GREB1: variants seen among roughly 807,000 people sequenced by gnomAD.
GREB1 encodes the protein protein GREB1.
GREB1 carries 106 observed loss-of-function variants against 200.7 expected under a neutral mutation model. That is an observed-to-expected ratio of 0.53 (90% CI 0.45 to 0.62). The LOEUF is 0.62. Among genes scored for constraint, GREB1 ranks in the 20% least tolerant of loss-of-function variants. GREB1 has a pLI of 0.00. For missense variants in GREB1, 2,243 were observed against 2,556.8 expected (o/e 0.88, Z 2.65); for synonymous variants, 1,132 against 1,092.4 (o/e 1.04, Z -0.72).
intron 1 of GREB1, among the ~76,000 whole-genome samples, chr2:11,551,245 C>A (rs923734923): frequency 2.0e-5 from 3 of 152,234 alleles, no homozygotes; most frequent in African/African-American, 7.2e-5. Context: ...TATGGTGAAA[C>A]AAACCCACAT....
At chr2:11,632,596 C>T (rs983187686) in intron 27 of GREB1, among the ~76,000 whole-genome samples, 1 of 152,194 alleles carries the variant, frequency 6.6e-6, no homozygotes, top group Non-Finnish European at 1.5e-5. Flanking sequence ...CCTCGGCCCC[C>T]CAAACTGCTG....
rs559174290 is a variant in GREB1 at position 11,527,691 on chromosome 2, T to G, written c.-158-28766T>G. ...TGAGGCAGCCAGGCACTGCCTAGGC[T>G]CCATAGATTCTATAGTAAAACAGAT... On this transcript the variant is annotated intron_variant, in intron 1 of 2. Transcript: ENST00000628795. Among the ~76,000 whole-genome samples, 3 of 152,288 alleles carry G rather than the reference T, an allele frequency of 2.0e-5. No individual in the cohort carries two copies. In the East Asian group the frequency reaches 5.8e-4, roughly 29 times the overall value.
Position 11,640,767 on chromosome 2 carries a change from C to T in GREB1, c.*313C>T, listed in dbSNP as rs1022693751. On this transcript the variant is annotated 3_prime_UTR_variant, in exon 33 of 33. Transcript: ENST00000381486. The surrounding 1 kb of genome is among the most constrained non-coding windows in gnomAD (Gnocchi z 4.6). ...CCTGCCATTCGTGTGCTTCCATGGA[C>T]AAACCTGATTTTTTTCTCTTAGTTC... The T allele has an allele frequency of 3.3e-6, 1 of 298,526 alleles. No homozygotes were observed. Among genetic ancestry groups the T allele is most frequent in the Non-Finnish European group, 6.1e-6 (1 of 163,230 alleles). 18.5% of individuals were successfully genotyped at this position (298,526 alleles called of 1,614,324 possible). A position where few individuals can be genotyped will look rare whatever the true frequency, so the allele number is the denominator to read the frequency against.
chr2:11,632,187 A>G (rs1460679595), intron 27 of GREB1, 74 bp downstream of exon 27: 2 of 1,064,348 alleles, frequency 1.9e-6, no homozygotes, highest in South Asian at 1.4e-5. Context: ...TCTAGAGACA[A>G]AAGTTAAACA....
rs1215115217 is a variant in GREB1, at chr2:11,629,139, T to C, written c.4450-809T>C. ...GGGTCTAGAAGAGCCATGGCAGAGATTAAAGCAGTGTGTGCTCGTCTGCCT... is the reference window on the plus strand; with the variant it reads ...GGGTCTAGAAGAGCCATGGCAGAGACTAAAGCAGTGTGTGCTCGTCTGCCT... On this transcript the variant is annotated intron_variant, in intron 25 of 32. Coordinates refer to ENST00000381486, the MANE Select transcript of GREB1 (RefSeq NM_014668.4). This position sits in a 1 kb window ranked among gnomAD's most constrained non-coding sequence, Gnocchi z 5.2. Among the ~76,000 whole-genome samples the C allele has an allele frequency of 6.6e-6, 1 of 151,708 alleles. No homozygotes were observed.
At chr2:11,539,467 G>A (rs1204894527) in intron 1 of GREB1, among the ~76,000 whole-genome samples, 1 of 152,192 alleles carries the variant, frequency 6.6e-6, no homozygotes, top group African/African-American at 2.4e-5. Flanking sequence ...TCGCTTATGT[G>A]GCTTAGGTCC....
rs374697291 is a variant in GREB1, at chr2:11,556,784, C to T, written c.157+13C>T. Reference sequence around the variant, plus strand: ...GCCGCTCTAGAAGGTGGGAGACGCACGTTGCTTTTATCTGTGTATTTCTTT... The same window carrying T: ...GCCGCTCTAGAAGGTGGGAGACGCATGTTGCTTTTATCTGTGTATTTCTTT... On this transcript the variant is annotated intron_variant, in intron 2 of 32. Transcript: ENST00000381486. 20 of 1,610,374 alleles carry T rather than the reference C, an allele frequency of 1.2e-5. No individual in the cohort carries two copies. The highest frequency in any genetic ancestry group is 1.7e-4 in the Middle Eastern group (1 of 5,940).
intron 23 of GREB1, among the ~76,000 whole-genome samples, chr2:11,621,976 T>G (rs1684048119): frequency 6.6e-6 from 1 of 152,242 alleles, no homozygotes; most frequent in Non-Finnish European, 1.5e-5. Context: ...TGAACCCAGT[T>G]TGTTCAGTGT....
Position 11,556,695 on chromosome 2 carries a change from G to A in GREB1, c.81G>A (p.Arg27=), listed in dbSNP as rs1676464042. 6.2e-7 allele frequency: 1 copy of A among 1,614,008 alleles called. No homozygotes were observed. The highest frequency in any genetic ancestry group is 8.5e-7 in the Non-Finnish European group (1 of 1,179,898). The change falls in exon 2 of 33, where the codon CGG becomes CGA. Residue 27 remains arginine (R), a synonymous_variant. Transcript: ENST00000381486. The stretch of plus-strand genomic sequence containing the variant: ...ACAATTCCATCGAGGCATCCCTGCG[G>A]TCCAACAACCTGGTGCCCAGGCCCA... The part of the protein sequence containing the change: ...VLHNSIEASL[R]SNNLVPRPIF...
chr2:11,513,038 G>A (rs1673394540), intron 1 of GREB1, among the ~76,000 whole-genome samples: 1 of 152,150 alleles, frequency 6.6e-6, no homozygotes, highest in Non-Finnish European at 1.5e-5. Flanking sequence ...TGATAAAGAT[G>A]AAACTTCTCT....
At chr2:11,540,482 C>T (rs1239868751) in intron 1 of GREB1, 3 of 153,074 alleles carry the variant, frequency 2.0e-5, no homozygotes, top group Non-Finnish European at 4.4e-5. Flanking sequence ...TTACTGCAAT[C>T]GGAGGGGACA....
chr2:11,592,759 C>T lies in GREB1; in HGVS notation c.1346-17C>T. The T allele has an allele frequency of 6.8e-7, 1 of 1,467,586 alleles. No homozygotes were observed. 90.9% of individuals were successfully genotyped at this position (1,467,586 alleles called of 1,614,324 possible). On this transcript the variant is annotated splice_polypyrimidine_tract_variant and intron_variant, in intron 10 of 32. Coordinates refer to ENST00000381486, the MANE Select transcript of GREB1 (RefSeq NM_014668.4). ...GCTGGCATTTGTGGCAGGCCCTCCG[C>T]CCGCATTGTGTTGCAGCCGCGGACC...
rs774773440 is a variant in GREB1, at chr2:11,627,004, G to A, written c.4349G>A (p.Arg1450His). The A allele has an allele frequency of 4.0e-5, 65 of 1,613,964 alleles. 1 individual carries two copies. The highest frequency in any genetic ancestry group is 1.1e-4 in the South Asian group (10 of 91,090). ...AAGCCGGAGGACCTTTATGTGCGGC[G>A]TCAGACGGCACGGATGAGACTGTCC... ...SRKPEDLYVR[R>H]QTARMRLSKY... Residue 1450 changes from arginine to histidine, a missense_variant, in exon 25 of 33, where the codon CGT becomes CAT. Arg to His is a conservative substitution (Grantham distance 29, BLOSUM62 0). This residue lies in a region of GREB1 where 587 missense variants were observed against 553.1 expected (regional missense o/e 1.06). Transcript: ENST00000381486.
intron 1 of GREB1, among the ~76,000 whole-genome samples, chr2:11,521,333 C>T (rs1325923307): frequency 1.3e-5 from 2 of 152,084 alleles, no homozygotes; most frequent in Non-Finnish European, 2.9e-5. Context: ...TGGTCTTGAA[C>T]TCCTGGGCCC....
chr2:11,611,710 C>T (rs1196022431), intron 18 of GREB1, among the ~76,000 whole-genome samples: 1 of 152,202 alleles, frequency 6.6e-6, no homozygotes, highest in Non-Finnish European at 1.5e-5. Flanking sequence ...AGCCCCTCTC[C>T]CAGATGGTGG....
At position 11,626,902 on chromosome 2, in the gene GREB1, G is replaced by A. The variant is rs1684505116; in HGVS notation, c.4307-60G>A. 3.8e-6 allele frequency: 6 copies of A among 1,575,252 alleles called. No individual in the cohort carries two copies. The East Asian group carries it at 1.1e-4, about 29-fold the overall frequency. ...GCATTTTTGGTTTCTGTTTGAGCAGGCAGGGGATAATGTTTGCTTTGCTCC... is the reference window on the plus strand; with the variant it reads ...GCATTTTTGGTTTCTGTTTGAGCAGACAGGGGATAATGTTTGCTTTGCTCC... On this transcript the variant is annotated intron_variant, in intron 24 of 32. Transcript: ENST00000381486.
chr2:11,564,494 C>T (rs1677418420), intron 3 of GREB1, among the ~76,000 whole-genome samples: 1 of 152,164 alleles, frequency 6.6e-6, no homozygotes, highest in East Asian at 1.9e-4. Context: ...GCCTGGGCAA[C>T]ATAGCAAGAC....
chr2:11,576,240 G>A (rs1678841750), intron 4 of GREB1, 113 bp from the exon 5 acceptor site: 4 of 793,746 alleles, frequency 5.0e-6, no homozygotes, highest in Non-Finnish European at 8.2e-6. Context: ...CTGGGAGATA[G>A]AGGTTGCAGC....
At chr2:11,608,314 C>A (rs537801840) in intron 17 of GREB1, among the ~76,000 whole-genome samples, 1 of 152,278 alleles carries the variant, frequency 6.6e-6, no homozygotes, top group Non-Finnish European at 1.5e-5. Context: ...AATATAGTTA[C>A]AATAATTGTT....
Sources: gnomAD v4.1 joint callset for allele counts (sites outside exome capture counted in the v4.1 genomes callset) on GRCh38, gnomAD v4.1.1 for gene constraint, gnomAD v4.1.1 regional missense constraint, Gnocchi (gnomAD v3.1) non-coding constraint, MANE v1.5 for transcripts, NCBI Gene and HGNC (gene_info 2026-07-23, HGNC 2026-07-21) for gene names.